EIF4G3: variants seen among roughly 807,000 people sequenced by gnomAD.
EIF4G3 encodes the protein eukaryotic translation initiation factor 4 gamma 3.
EIF4G3 carries 34 observed loss-of-function variants against 186.4 expected under a neutral mutation model. The observed-to-expected ratio is 0.18, with a 90% CI of 0.14 to 0.24. EIF4G3 has a LOEUF of 0.24. Among genes scored for constraint, EIF4G3 ranks in the 10% least tolerant of loss-of-function variants. The pLI, the probability that EIF4G3 is intolerant of heterozygous loss-of-function variation, is 1.00. For synonymous variants in EIF4G3, 673 were observed against 679.5 expected (o/e 0.99, Z 0.15); for missense variants, 1,536 against 1,948.5 (o/e 0.79, Z 3.99).
At chr1:21,003,643 G>A in intron 4 of EIF4G3, 1 of 343,814 alleles carries the variant, frequency 2.9e-6, no homozygotes, top group Admixed American at 3.4e-5. Flanking sequence ...AAACAAAACT[G>A]ACAGGATGAG....
At position 20,919,022 on chromosome 1, in the gene EIF4G3, A is replaced by AT. The variant is rs551087632; in HGVS notation, c.1664-14052dup. Among the ~76,000 whole-genome samples, 11 of 151,890 alleles carry AT rather than the reference A, an allele frequency of 7.2e-5. No individual in the cohort carries two copies. The East Asian group carries it at 2.1e-3, about 29-fold the overall frequency. On this transcript the variant is annotated intron_variant, in intron 14 of 36. Coordinates refer to ENST00000602326, the MANE Select transcript of EIF4G3 (RefSeq NM_001391906.1). Reference sequence around the variant, plus strand: ...TCTACACTCACTAATGAGGTTAAGCATTTTTTCCTTTTTTTGTTTTTGGTT... The same window carrying AT: ...TCTACACTCACTAATGAGGTTAAGCATTTTTTTCCTTTTTTTGTTTTTGGTT...
At chr1:21,088,240 G>A (rs2096062793) in intron 3 of EIF4G3, among the ~76,000 whole-genome samples, 1 of 151,890 alleles carries the variant, frequency 6.6e-6, no homozygotes, top group Admixed American at 6.6e-5. Flanking sequence ...AACCAACATG[G>A]TGAAACTCTG....
chr1:20,828,069 T>C (rs1424510162), intron 31 of EIF4G3, among the ~76,000 whole-genome samples: 1 of 145,794 alleles, frequency 6.9e-6, no homozygotes, highest in Non-Finnish European at 1.5e-5. Context: ...AGTCTCACTC[T>C]GTCGCCAGGC....
At chr1:20,946,321 T>C (rs1434190936) in intron 13 of EIF4G3, among the ~76,000 whole-genome samples, 3 of 152,226 alleles carry the variant, frequency 2.0e-5, no homozygotes, top group African/African-American at 7.2e-5. Context: ...ATCCATACCA[T>C]ATCCTCAGTA....
intron 2 of EIF4G3, among the ~76,000 whole-genome samples, chr1:21,117,736 TAAAAAA>T (rs71014156): frequency 0.037 from 2,721 of 73,108 alleles, 91 homozygotes; most frequent in Non-Finnish European, 0.054. Flanking sequence ...CAGTATATAG[TAAAAAA>T]AAAAAAAAAA....
chr1:21,162,579 T>A (rs993657552), intron 2 of EIF4G3, among the ~76,000 whole-genome samples: 24 of 152,126 alleles, frequency 1.6e-4, no homozygotes, highest in Non-Finnish European at 2.9e-4. Context: ...CTGTCTTTAC[T>A]AAAAATACAA....
intron 32 of EIF4G3, among the ~76,000 whole-genome samples, chr1:20,826,147 A>G (rs10799665): frequency 0.61 from 93,339 of 152,032 alleles, 29,114 homozygotes; most frequent in East Asian, 0.83. Context: ...ATCAAAGTTA[A>G]TAAGAATGTG....
chr1:21,026,579 A>G (rs1313109782), intron 4 of EIF4G3, among the ~76,000 whole-genome samples: 4 of 152,122 alleles, frequency 2.6e-5, no homozygotes, highest in Admixed American at 2.0e-4. Flanking sequence ...TTGTGCATCG[A>G]AAGATATTAC....
intron 29 of EIF4G3, among the ~76,000 whole-genome samples, chr1:20,844,931 GTTGA>G (rs750481888): frequency 2.0e-5 from 3 of 152,146 alleles, no homozygotes; most frequent in Non-Finnish European, 4.4e-5. Flanking sequence ...TGTTTATTCT[GTTGA>G]TTGATAGTTT....
chr1:21,034,676 G>C (rs143182896), intron 4 of EIF4G3, among the ~76,000 whole-genome samples: 175 of 152,376 alleles, frequency 1.1e-3, no homozygotes, highest in African/African-American at 4.0e-3. Flanking sequence ...ACTGGCAGAG[G>C]TGGGGTGCGG....
intron 20 of EIF4G3, among the ~76,000 whole-genome samples, chr1:20,871,197 T>C (rs996558590): frequency 2.0e-5 from 3 of 152,156 alleles, no homozygotes; most frequent in Non-Finnish European, 4.4e-5. Context: ...GTGAATGACA[T>C]GGAAAGAGAA....
chr1:21,003,775 C>A, intron 4 of EIF4G3: 1 of 446,734 alleles, frequency 2.2e-6, no homozygotes, highest in South Asian at 1.7e-5. Flanking sequence ...GCTCTCTGAT[C>A]ATCAATGATT....
At chr1:20,862,020 T>C (rs1448324871) in intron 23 of EIF4G3, among the ~76,000 whole-genome samples, 3 of 151,794 alleles carry the variant, frequency 2.0e-5, no homozygotes, top group African/African-American at 7.3e-5. Flanking sequence ...GGTTTGATAA[T>C]CAGAATAAGG....
At chr1:20,984,341 T>C (rs369913678) in intron 7 of EIF4G3, among the ~76,000 whole-genome samples, 2 of 151,776 alleles carry the variant, frequency 1.3e-5, no homozygotes, top group African/African-American at 4.8e-5. Flanking sequence ...AATTTTTGTA[T>C]TTTTAGTAGA....
rs904293617 is a variant in EIF4G3, at chr1:20,854,573, C to T, written c.3433+405G>A. 8.7e-5 allele frequency among the ~76,000 whole-genome samples: 13 copies of T among 150,128 alleles called. No homozygotes were observed. In the South Asian group the frequency reaches 1.1e-3, roughly 12 times the overall value. On this transcript the variant is annotated intron_variant, in intron 26 of 36. Transcript: ENST00000602326. ...AAAAAAAATCAGCCAGGTGTGATGG[C>T]GTGCACCTGTAGTCCCAGCTACTCA...
In EIF4G3 at chr1:20,848,006, A is replaced by G. The variant is rs935632201; in HGVS notation, c.3888+1409T>C. ...TTGTTTGAGACAGTCTCACTCTGTC[A>G]CCCAGGATGGAATGCAGTGGATGAT... On this transcript the variant is annotated intron_variant, in intron 29 of 36. Coordinates refer to ENST00000602326, the MANE Select transcript of EIF4G3 (RefSeq NM_001391906.1). The G allele has an allele frequency of 3.9e-5, 14 of 355,780 alleles. No homozygotes were observed. In the Middle Eastern group the frequency reaches 3.0e-3, roughly 77 times the overall value. The allele number at this position is 355,780 out of a possible 1,614,324, so 22.0% of individuals were successfully genotyped here.
chr1:21,015,399 A>G (rs1480852563), intron 4 of EIF4G3, among the ~76,000 whole-genome samples: 1 of 152,116 alleles, frequency 6.6e-6, no homozygotes, highest in Non-Finnish European at 1.5e-5. Flanking sequence ...AGACATGGAT[A>G]TATGATAGCA....
intron 13 of EIF4G3, among the ~76,000 whole-genome samples, chr1:20,947,459 T>G (rs2096010408): frequency 6.7e-6 from 1 of 149,274 alleles, no homozygotes; most frequent in Non-Finnish European, 1.5e-5. Flanking sequence ...AAAAAAAAAC[T>G]CTGAAAACAG....
intron 11 of EIF4G3, 62 bp downstream of exon 11, chr1:20,972,940 C>T: frequency 7.4e-7 from 1 of 1,350,546 alleles, no homozygotes; most frequent in Non-Finnish European, 1.0e-6. Context: ...ACTACGTAAA[C>T]TTATCTGATA....
Sources: allele counts gnomAD v4.1 joint callset (sites outside exome capture counted in the v4.1 genomes callset), GRCh38; gene constraint gnomAD v4.1.1; transcripts MANE v1.5; gene names NCBI Gene and HGNC (gene_info 2026-07-23, HGNC 2026-07-21).